The following GLP2R variants were observed in gnomAD, a reference collection of about 807,000 sequenced individuals.
GLP2R encodes glucagon like peptide 2 receptor.
A neutral mutation model predicts 68.2 loss-of-function variants in GLP2R; 59 were observed. The ratio of observed to expected loss-of-function variants is 0.87; its 90% CI spans 0.70 to 1.07. The LOEUF (loss-of-function observed/expected upper bound fraction) is 1.07. GLP2R is among the 50% of genes least tolerant of loss of function. The pLI is 0.00. For missense variants in GLP2R, 548 were observed against 677.4 expected (o/e 0.81, Z 2.12); for synonymous variants, 270 against 265.4 (o/e 1.02, Z -0.17).
At chr17:9,832,647 C>T (rs2066691167) in intron 1 of GLP2R, among the ~76,000 whole-genome samples, 1 of 152,156 alleles carries the variant, frequency 6.6e-6, no homozygotes, top group Non-Finnish European at 1.5e-5. Flanking sequence ...GCGAGGATCA[C>T]TTGAGCCTAG....
chr17:9,878,798 C>A (rs552257379), intron 10 of GLP2R, among the ~76,000 whole-genome samples: 1 of 152,176 alleles, frequency 6.6e-6, no homozygotes, highest in Non-Finnish European at 1.5e-5. Context: ...CTCTTGTTCT[C>A]GTACAGAGTT....
At chr17:9,883,028 G>A (rs1433086086) in intron 11 of GLP2R, among the ~76,000 whole-genome samples, 3 of 146,194 alleles carry the variant, frequency 2.1e-5, no homozygotes, top group Admixed American at 1.4e-4. Flanking sequence ...AAACTTTCTG[G>A]GTGGGATAGG....
At chr17:9,833,995 G>A in intron 2 of GLP2R, 101 bp downstream of exon 2, 1 of 789,454 alleles carries the variant, frequency 1.3e-6, no homozygotes, top group Non-Finnish European at 2.2e-6. Context: ...CATAGTTTCT[G>A]TGGGTGAGGA....
intron 10 of GLP2R, 26 bp downstream of exon 10, chr17:9,870,861 G>T: frequency 9.5e-7 from 1 of 1,058,150 alleles, no homozygotes; most frequent in Non-Finnish European, 1.5e-6. Context: ...TTGGTCCCCA[G>T]CAGTCCAAGG....
chr17:9,839,222 A>G (rs1304208900), intron 3 of GLP2R, among the ~76,000 whole-genome samples: 2 of 152,174 alleles, frequency 1.3e-5, no homozygotes, highest in Non-Finnish European at 2.9e-5. Flanking sequence ...AAACTACTGC[A>G]GTGTCCCAGA....
At chr17:9,858,654 G>T (rs764467287) in intron 6 of GLP2R, among the ~76,000 whole-genome samples, 12 of 152,294 alleles carry the variant, frequency 7.9e-5, no homozygotes, top group African/African-American at 2.9e-4. Flanking sequence ...GATTAATTAC[G>T]AATCTAATAT....
rs1263030766 is a variant in GLP2R at position 9,826,126 on chromosome 17, C to T, written c.63C>T (p.Val21=). ...GAAGCGCGGGACTCCTGCCTGGCGTCCACGAGCTGCCCATGGGCATCCCTG... is the reference window on the plus strand; with the variant it reads ...GAAGCGCGGGACTCCTGCCTGGCGTTCACGAGCTGCCCATGGGCATCCCTG... The part of the protein sequence containing the change: ...GRGSAGLLPG[V]HELPMGIPAP... The change falls in exon 1 of 13, where the codon GTC becomes GTT. Residue 21 remains valine (V), a synonymous_variant. Transcript: ENST00000262441. 3.1e-6 allele frequency: 5 copies of T among 1,612,656 alleles called. No individual in the cohort carries two copies. Among genetic ancestry groups the T allele is most frequent in the African/African-American group, 1.3e-5 (1 of 74,914 alleles).
At chr17:9,852,260 C>A (rs1043818847) in intron 4 of GLP2R, among the ~76,000 whole-genome samples, 5 of 151,992 alleles carry the variant, frequency 3.3e-5, no homozygotes, top group African/African-American at 1.2e-4. Flanking sequence ...TGTGATGTTC[C>A]CCTCTCTGTG....
intron 5 of GLP2R, 42 bp downstream of exon 5, chr17:9,854,643 T>A: frequency 9.1e-7 from 1 of 1,094,572 alleles, no homozygotes; most frequent in Non-Finnish European, 1.4e-6. Flanking sequence ...GCAGGTATAG[T>A]AGCCCTCCTT....
intron 3 of GLP2R, among the ~76,000 whole-genome samples, chr17:9,841,508 C>A (rs1019954004): frequency 1.3e-5 from 2 of 151,992 alleles, no homozygotes; most frequent in African/African-American, 4.8e-5. Context: ...GACAGATTAG[C>A]TAGAGGACCT....
chr17:9,833,872 A>G lies in GLP2R; in HGVS notation c.255A>G (p.Arg85=), dbSNP rs2066703364. 1 of 1,611,284 alleles carries G rather than the reference A, an allele frequency of 6.2e-7. No individual in the cohort carries two copies. Among genetic ancestry groups the G allele is most frequent in the Non-Finnish European group, 8.5e-7 (1 of 1,177,462 alleles). Residue 85 remains arginine (R), a synonymous_variant, in exon 2 of 13, where the codon AGA becomes AGG. Transcript: ENST00000262441. ...KWAQYKQACL[R]DLLKEPSGIF... is the part of the protein sequence containing the mutation. ...CTCAGTACAAACAGGCATGTCTGAGAGACTTACTCAAGGAACCTTCTGGTA... is the reference window on the plus strand; with the variant it reads ...CTCAGTACAAACAGGCATGTCTGAGGGACTTACTCAAGGAACCTTCTGGTA...
At position 9,844,668 on chromosome 17, in the gene GLP2R, C is replaced by CTTTTTTTTTTTT. The variant is rs71139004; in HGVS notation, c.504+2079_504+2090dup. On this transcript the variant is annotated intron_variant, in intron 4 of 12. Transcript: ENST00000262441. Reference sequence around the variant, plus strand: ...ATTCTCAATATTTTACTACCTAATTCTTTTTTTTTTTTTTTTTTTTTTTTT... The same window carrying CTTTTTTTTTTTT: ...ATTCTCAATATTTTACTACCTAATTCTTTTTTTTTTTTTTTTTTTTTTTTTTTTTTTTTTTTT... Among the ~76,000 whole-genome samples the CTTTTTTTTTTTT allele has an allele frequency of 2.3e-3, 102 of 44,312 alleles. 31 individuals carry two copies. Among genetic ancestry groups the CTTTTTTTTTTTT allele is most frequent in the Non-Finnish European group, 3.0e-3 (65 of 21,402 alleles). The allele number at this position is 44,312 out of a possible 152,430, so 29.1% of individuals were successfully genotyped here. A position where few individuals can be genotyped will look rare whatever the true frequency, so the allele number is the denominator to read the frequency against.
chr17:9,879,355 G>T (rs2067173390), intron 10 of GLP2R, among the ~76,000 whole-genome samples: 1 of 141,162 alleles, frequency 7.1e-6, no homozygotes, highest in African/African-American at 2.5e-5. Flanking sequence ...TAATTATCCA[G>T]GCACAGTTGT....
chr17:9,864,472 A>G (rs1029427449), intron 9 of GLP2R, among the ~76,000 whole-genome samples: 1 of 130,540 alleles, frequency 7.7e-6, no homozygotes, highest in African/African-American at 3.5e-5. Flanking sequence ...TAGGCACTGT[A>G]GTTTTTTCTG....
intron 10 of GLP2R, among the ~76,000 whole-genome samples, chr17:9,872,563 G>C (rs2067105039): frequency 1.3e-5 from 2 of 152,196 alleles, no homozygotes; most frequent in Admixed American, 1.3e-4. Flanking sequence ...GGTGACAAGA[G>C]CAAAACTCCA....
intron 12 of GLP2R, among the ~76,000 whole-genome samples, chr17:9,888,456 A>T (rs2067262481): frequency 6.6e-6 from 1 of 152,110 alleles, no homozygotes; most frequent in African/African-American, 2.4e-5. Context: ...CTATGATTAC[A>T]TTTTTTTAAA....
chr17:9,848,575 T>G (rs1445137578), intron 4 of GLP2R, among the ~76,000 whole-genome samples: 1 of 152,124 alleles, frequency 6.6e-6, no homozygotes, highest in Non-Finnish European at 1.5e-5. Flanking sequence ...AAAACTGCGC[T>G]TTCAAAAACA....
At chr17:9,837,711 G>T (rs1353255066) in intron 3 of GLP2R, among the ~76,000 whole-genome samples, 1 of 149,472 alleles carries the variant, frequency 6.7e-6, no homozygotes, top group African/African-American at 2.5e-5. Flanking sequence ...CAACCTCTTG[G>T]TTATTTTATT....
chr17:9,870,310 C>G (rs2067080355), intron 9 of GLP2R, among the ~76,000 whole-genome samples: 1 of 152,090 alleles, frequency 6.6e-6, no homozygotes, highest in South Asian at 2.1e-4. Flanking sequence ...ATGCCTGGAC[C>G]ATTCTTAGCC....
Sources: gnomAD v4.1 joint callset for allele counts (sites outside exome capture counted in the v4.1 genomes callset) on GRCh38, gnomAD v4.1.1 for gene constraint, MANE v1.5 for transcripts, NCBI Gene and HGNC (gene_info 2026-07-23, HGNC 2026-07-21) for gene names.